GRID2: variants seen among roughly 807,000 people sequenced by gnomAD.
GRID2 encodes the protein glutamate ionotropic receptor delta type subunit 2, also known as glutamate receptor ionotropic, delta-2.
Under a neutral mutation model 114.8 loss-of-function variants are expected in GRID2, and 33 were observed. The observed-to-expected ratio is 0.29, with a 90% CI of 0.22 to 0.38. The LOEUF (loss-of-function observed/expected upper bound fraction) is 0.38, where lower values mean the gene tolerates loss of function less well. Ranked by LOEUF, GRID2 falls within the 10% of genes least tolerant of loss-of-function variation. GRID2 has a pLI of 1.00. For missense variants in GRID2, 1,184 were observed against 1,257.7 expected, an observed-to-expected ratio of 0.94 and a Z score of 0.89; for synonymous variants, 505 against 449.9, an observed-to-expected ratio of 1.12 and a Z score of -1.55.
At chr4:93,517,472 G>T (rs146994823) in intron 13 of GRID2, among the ~76,000 whole-genome samples, 13 of 152,054 alleles carry the variant, frequency 8.5e-5, no homozygotes, top group Admixed American at 7.9e-4. Flanking sequence ...TCTTCTGAAT[G>T]AATTTATAAT....
intron 1 of GRID2, among the ~76,000 whole-genome samples, chr4:92,330,968 A>G (rs1283850496): frequency 2.0e-5 from 3 of 152,264 alleles, no homozygotes; most frequent in East Asian, 1.9e-4. Flanking sequence ...ATCAAAATTC[A>G]TTTAAAAACT....
intron 2 of GRID2, among the ~76,000 whole-genome samples, chr4:92,940,638 C>G (rs1259836267): frequency 6.6e-6 from 1 of 152,074 alleles, no homozygotes; most frequent in Non-Finnish European, 1.5e-5. Context: ...GCATCCCTGT[C>G]TTGTGCCAGT....
At chr4:93,407,148 G>T (rs1298041975) in intron 9 of GRID2, among the ~76,000 whole-genome samples, 1 of 152,156 alleles carries the variant, frequency 6.6e-6, no homozygotes, top group Non-Finnish European at 1.5e-5. Context: ...CAAAGGCACA[G>T]TAAGAGGTTT....
At chr4:92,959,807 G>GA (rs1232384730) in intron 2 of GRID2, among the ~76,000 whole-genome samples, 3 of 151,966 alleles carry the variant, frequency 2.0e-5, no homozygotes, top group Non-Finnish European at 2.9e-5. Flanking sequence ...TGAACAATGA[G>GA]AACACATGGA....
At chr4:93,380,233 G>A (rs1402759989) in intron 8 of GRID2, among the ~76,000 whole-genome samples, 2 of 151,956 alleles carry the variant, frequency 1.3e-5, no homozygotes, top group South Asian at 2.1e-4. Flanking sequence ...AGGAAGAGGA[G>A]ACAGCCATGT....
At position 92,563,314 on chromosome 4, in the gene GRID2, A is replaced by G. The variant is rs1280744147; in HGVS notation, c.89-26817A>G. 1.2e-4 allele frequency among the ~76,000 whole-genome samples: 18 copies of G among 152,070 alleles called. No homozygotes were observed. In the East Asian group the frequency reaches 3.5e-3, roughly 29 times the overall value. On this transcript the variant is annotated intron_variant, in intron 1 of 15. Transcript: ENST00000282020. ...ACTAGAAGCTCTTTTCCCCTCCACT[A>G]CTTGTTTGTGGTATCCTTCAAGAGC...
chr4:92,332,215 C>T (rs1231384103), intron 1 of GRID2, among the ~76,000 whole-genome samples: 1 of 152,024 alleles, frequency 6.6e-6, no homozygotes, highest in Non-Finnish European at 1.5e-5. Context: ...CTGAGAGGTC[C>T]ACGATTGAGG....
At chr4:93,286,278 A>T (rs1753139825) in intron 8 of GRID2, among the ~76,000 whole-genome samples, 2 of 152,098 alleles carry the variant, frequency 1.3e-5, no homozygotes, top group Admixed American at 1.3e-4. Context: ...AAATGAACCA[A>T]TTGTAGCCTA....
At chr4:92,502,192 T>C (rs914938761) in intron 1 of GRID2, among the ~76,000 whole-genome samples, 2 of 152,220 alleles carry the variant, frequency 1.3e-5, no homozygotes, top group African/African-American at 4.8e-5. Context: ...TATATTTCTA[T>C]TGCAGTTTTC....
intron 2 of GRID2, among the ~76,000 whole-genome samples, chr4:93,042,734 T>G (rs1009334903): frequency 5.4e-5 from 8 of 147,562 alleles, no homozygotes; most frequent in Non-Finnish European, 9.0e-5. Context: ...GAGAGAGAGA[T>G]AGAGAGATAA....
At chr4:93,622,037 G>T (rs1742259510) in intron 13 of GRID2, among the ~76,000 whole-genome samples, 1 of 152,124 alleles carries the variant, frequency 6.6e-6, no homozygotes, top group African/African-American at 2.4e-5. Context: ...AAGCTGCCAG[G>T]GGATCCAGGA....
At chr4:92,650,538 C>A (rs1731874761) in intron 2 of GRID2, among the ~76,000 whole-genome samples, 1 of 151,976 alleles carries the variant, frequency 6.6e-6, no homozygotes, top group African/African-American at 2.4e-5. Flanking sequence ...GGATTAATCA[C>A]CCTAGCCAGT....
intron 2 of GRID2, among the ~76,000 whole-genome samples, chr4:92,598,206 G>GA (rs1349168039): frequency 2.0e-5 from 3 of 151,702 alleles, no homozygotes; most frequent in Non-Finnish European, 4.4e-5. Flanking sequence ...CATATTCTGG[G>GA]AAAAAAAAGA....
chr4:93,163,941 G>C (rs538111354), intron 4 of GRID2, among the ~76,000 whole-genome samples: 5 of 151,942 alleles, frequency 3.3e-5, no homozygotes, highest in Admixed American at 1.3e-4. Flanking sequence ...AGAAGTTATA[G>C]CATGGAATCA....
chr4:92,670,632 A>C (rs553296363), intron 2 of GRID2, among the ~76,000 whole-genome samples: 1 of 152,072 alleles, frequency 6.6e-6, no homozygotes, highest in Non-Finnish European at 1.5e-5. Flanking sequence ...ATAAATGTAA[A>C]ATTTCAGTAA....
chr4:92,430,459 T>C (rs999739701), intron 1 of GRID2, among the ~76,000 whole-genome samples: 1 of 152,184 alleles, frequency 6.6e-6, no homozygotes, highest in Admixed American at 6.5e-5. Context: ...TCTGTTCTAT[T>C]GGTCCATGTG....
At chr4:92,382,885 T>C (rs897774542) in intron 1 of GRID2, among the ~76,000 whole-genome samples, 2 of 151,922 alleles carry the variant, frequency 1.3e-5, no homozygotes, top group African/African-American at 4.8e-5. Flanking sequence ...TATAAAGAAA[T>C]ACCTGAGACT....
chr4:92,885,742 T>C (rs914913155), intron 2 of GRID2, among the ~76,000 whole-genome samples: 3 of 152,244 alleles, frequency 2.0e-5, no homozygotes, highest in Non-Finnish European at 4.4e-5. Context: ...TTCACCACTT[T>C]CAGTTGTAAT....
intron 4 of GRID2, among the ~76,000 whole-genome samples, chr4:93,148,434 C>T (rs1391075322): frequency 6.6e-6 from 1 of 151,898 alleles, no homozygotes; most frequent in African/African-American, 2.4e-5. Context: ...ATAGAAGAGA[C>T]CTTGCGTGAA....
Sources: gnomAD v4.1 joint callset for allele counts (sites outside exome capture counted in the v4.1 genomes callset) on GRCh38, gnomAD v4.1.1 for gene constraint, MANE v1.5 for transcripts, NCBI Gene and HGNC (gene_info 2026-07-23, HGNC 2026-07-21) for gene names.